PID1: variants seen among roughly 807,000 people sequenced by gnomAD.
PID1 encodes phosphotyrosine interaction domain containing 1.
Under a neutral mutation model 19.1 loss-of-function variants are expected in PID1, and 10 were observed. That is an observed-to-expected ratio of 0.52 (90% CI 0.32 to 0.89). PID1 has a LOEUF of 0.89. PID1 is among the 40% of genes least tolerant of loss of function. The pLI, the probability that PID1 is intolerant of heterozygous loss-of-function variation, is 0.03. For synonymous variants in PID1, 130 were observed against 116.0 expected (o/e 1.12, Z -0.78); for missense variants, 248 against 285.3 (o/e 0.87, Z 0.94).
intron 2 of PID1, among the ~76,000 whole-genome samples, chr2:229,121,944 T>C (rs992548911): frequency 1.1e-4 from 16 of 152,044 alleles, no homozygotes; most frequent in Non-Finnish European, 1.0e-4. Flanking sequence ...TTGGGAGTAA[T>C]AGGGACCCTG....
intron 2 of PID1, among the ~76,000 whole-genome samples, chr2:229,106,335 C>A (rs1305382514): frequency 2.0e-5 from 3 of 152,130 alleles, no homozygotes; most frequent in Non-Finnish European, 2.9e-5. Context: ...GGCATAGACA[C>A]CTTCCTAATC....
chr2:229,181,277 GAAA>G (rs1690940695), intron 1 of PID1, among the ~76,000 whole-genome samples: 1 of 152,104 alleles, frequency 6.6e-6, no homozygotes, highest in Admixed American at 6.5e-5. Context: ...CCCGAAGGGA[GAAA>G]GAGCCCAGGG....
intron 2 of PID1, among the ~76,000 whole-genome samples, chr2:229,063,501 T>A (rs1335004112): frequency 6.6e-6 from 1 of 152,284 alleles, no homozygotes; most frequent in African/African-American, 2.4e-5. Flanking sequence ...TGATATAATT[T>A]TAATCTTCTG....
intron 1 of PID1, among the ~76,000 whole-genome samples, chr2:229,220,896 A>G (rs1204946983): frequency 6.6e-6 from 1 of 152,036 alleles, no homozygotes; most frequent in Non-Finnish European, 1.5e-5. Flanking sequence ...TTCTGTCTTG[A>G]TATTTTAGTG....
At position 229,246,261 on chromosome 2, in the gene PID1, C is replaced by A. The variant is rs540438743; in HGVS notation, c.30+24753G>T. On this transcript the variant is annotated intron_variant, in intron 1 of 2. Coordinates refer to ENST00000392055, the MANE Select transcript of PID1 (RefSeq NM_001100818.2). ...CAGAAGGAAATGATGCTTCAAACTGCGGAGCTGCTGGCATTCAGGTCATGA... is the reference window on the plus strand; with the variant it reads ...CAGAAGGAAATGATGCTTCAAACTGAGGAGCTGCTGGCATTCAGGTCATGA... Among the ~76,000 whole-genome samples, 79 of 152,194 alleles carry A rather than the reference C, an allele frequency of 5.2e-4. No individual in the cohort carries two copies. In the Middle Eastern group the frequency reaches 0.02, roughly 39 times the overall value.
intron 1 of PID1, among the ~76,000 whole-genome samples, chr2:229,163,584 A>T (rs1690532508): frequency 6.6e-6 from 1 of 152,070 alleles, no homozygotes; most frequent in Admixed American, 6.6e-5. Flanking sequence ...GGAGTATGCA[A>T]AAGCCCCCAA....
intron 2 of PID1, among the ~76,000 whole-genome samples, chr2:229,155,350 A>C (rs1690343332): frequency 6.6e-6 from 1 of 152,056 alleles, no homozygotes; most frequent in Non-Finnish European, 1.5e-5. Flanking sequence ...GCAGATCATG[A>C]GGTCAGGAGA....
Position 229,158,436 on chromosome 2 carries a change from T to G in PID1, c.31-2472A>C, listed in dbSNP as rs375636483. Among the ~76,000 whole-genome samples, 6 of 152,324 alleles carry G rather than the reference T, an allele frequency of 3.9e-5. No individual in the cohort carries two copies. The East Asian group carries it at 1.2e-3, about 29-fold the overall frequency. On this transcript the variant is annotated intron_variant, in intron 1 of 2. Coordinates refer to ENST00000392055, the MANE Select transcript of PID1 (RefSeq NM_001100818.2). ...TATAAGATTATATACTTGCTTTGTT[T>G]ACTTTATTGTCTTCCAGTAGAATAT...
rs549701524 is a variant in PID1 at position 229,151,639 on chromosome 2, C to T, written c.177+4179G>A. On this transcript the variant is annotated intron_variant, in intron 2 of 2. Coordinates refer to ENST00000392055, the MANE Select transcript of PID1 (RefSeq NM_001100818.2). ...AGGCTGGAGTGCAGTGGCACGATCTCGGCTCACTGCAAGCTCCACCTCCCG... is the reference window on the plus strand; with the variant it reads ...AGGCTGGAGTGCAGTGGCACGATCTTGGCTCACTGCAAGCTCCACCTCCCG... 1.2e-4 allele frequency among the ~76,000 whole-genome samples: 18 copies of T among 150,960 alleles called. No homozygotes were observed. In the East Asian group the frequency reaches 2.9e-3, roughly 25 times the overall value.
intron 2 of PID1, among the ~76,000 whole-genome samples, chr2:229,114,019 A>G (rs1317628005): frequency 6.6e-6 from 1 of 152,104 alleles, no homozygotes; most frequent in Non-Finnish European, 1.5e-5. Context: ...ACGTCCCTGG[A>G]AGAAGAAGTA....
rs530342898 is a variant in PID1 at position 229,080,886 on chromosome 2, C to A, written c.178-54778G>T. ...TCATAAAAGACTGTAGAAAACACAA[C>A]CTCACATAAAAGCCATCTCAACCTT... On this transcript the variant is annotated intron_variant, in intron 2 of 2. Transcript: ENST00000392055. 9.2e-5 allele frequency among the ~76,000 whole-genome samples: 14 copies of A among 152,288 alleles called. No homozygotes were observed. In the South Asian group the frequency reaches 2.9e-3, roughly 32 times the overall value.
chr2:229,236,364 G>A (rs996327139), intron 1 of PID1: 1 of 152,180 alleles, frequency 6.6e-6, no homozygotes, highest in African/African-American at 2.4e-5. Flanking sequence ...GATTTGGAGA[G>A]TTAGGCATCC....
chr2:229,027,532 G>A (rs1377397647), intron 2 of PID1, among the ~76,000 whole-genome samples: 1 of 152,178 alleles, frequency 6.6e-6, no homozygotes, highest in Non-Finnish European at 1.5e-5. Context: ...TGTAAGGCAG[G>A]CCGTGGAAAG....
chr2:229,151,027 G>A (rs150572441), intron 2 of PID1, among the ~76,000 whole-genome samples: 2 of 152,248 alleles, frequency 1.3e-5, no homozygotes, highest in East Asian at 3.9e-4. Flanking sequence ...GGATGAAAGA[G>A]AGCAGGATGG....
intron 1 of PID1, among the ~76,000 whole-genome samples, chr2:229,264,859 G>C (rs770338555): frequency 6.6e-6 from 1 of 152,284 alleles, no homozygotes; most frequent in East Asian, 1.9e-4. Context: ...CATAGTACTT[G>C]GGACGTAGTA....
At chr2:229,103,836 C>CA (rs1209634278) in intron 2 of PID1, among the ~76,000 whole-genome samples, 1 of 152,122 alleles carries the variant, frequency 6.6e-6, no homozygotes, top group African/African-American at 2.4e-5. Flanking sequence ...CTTGGCCTCC[C>CA]AAAGTGTTGG....
intron 1 of PID1, among the ~76,000 whole-genome samples, chr2:229,228,235 A>C (rs1434790161): frequency 6.6e-6 from 1 of 152,160 alleles, no homozygotes; most frequent in Admixed American, 6.6e-5. Context: ...CTACTTGTTC[A>C]TATGACTATG....
intron 2 of PID1, among the ~76,000 whole-genome samples, chr2:229,126,242 G>C (rs1695620045): frequency 6.6e-6 from 1 of 152,136 alleles, no homozygotes. Flanking sequence ...AGTCCCAAAG[G>C]AGGTAGGCTT....
intron 2 of PID1, among the ~76,000 whole-genome samples, chr2:229,077,392 G>C (rs1574609851): frequency 6.6e-6 from 1 of 152,144 alleles, no homozygotes; most frequent in Non-Finnish European, 1.5e-5. Flanking sequence ...AGTTTAATTA[G>C]ATCCCATTAG....
Sources: gnomAD v4.1 joint callset for allele counts (sites outside exome capture counted in the v4.1 genomes callset) on GRCh38, gnomAD v4.1.1 for gene constraint, MANE v1.5 for transcripts, NCBI Gene and HGNC (gene_info 2026-07-23, HGNC 2026-07-21) for gene names.